The following ELMOD1 variants were observed in gnomAD, a reference collection of about 807,000 sequenced individuals.
ELMOD1 encodes ELMO domain-containing protein 1.
ELMOD1 carries 21 observed loss-of-function variants against 46.7 expected under a neutral mutation model. That is an observed-to-expected ratio of 0.45 (90% CI 0.32 to 0.65). ELMOD1 has a LOEUF of 0.65. ELMOD1 is among the 30% of genes least tolerant of loss of function. The pLI, the probability that ELMOD1 is intolerant of heterozygous loss-of-function variation, is 0.04. For missense variants in ELMOD1, 348 were observed against 407.8 expected, an observed-to-expected ratio of 0.85 and a Z score of 1.26; for synonymous variants, 122 against 138.2, an observed-to-expected ratio of 0.88 and a Z score of 0.82.
Position 107,613,302 on chromosome 11 carries a change from C to G in ELMOD1, c.-85-4803C>G, listed in dbSNP as rs188212439. 5.0e-3 allele frequency among the ~76,000 whole-genome samples: 755 copies of G among 152,226 alleles called. 3 individuals are homozygous for G. Among genetic ancestry groups the G allele is most frequent in the African/African-American group, 0.016 (663 of 41,528 alleles). ...CCTTACATGCTTTGGTTCTTTTAATCCTTAGAACAATCCTACAAGCTAATT... is the reference window on the plus strand; with the variant it reads ...CCTTACATGCTTTGGTTCTTTTAATGCTTAGAACAATCCTACAAGCTAATT... On this transcript the variant is annotated intron_variant, in intron 1 of 11. Coordinates refer to ENST00000265840, the MANE Select transcript of ELMOD1 (RefSeq NM_018712.4).
chr11:107,631,990 T>C (rs1866149890), intron 5 of ELMOD1, among the ~76,000 whole-genome samples: 1 of 152,212 alleles, frequency 6.6e-6, no homozygotes, highest in South Asian at 2.1e-4. Context: ...TGTTTTACGC[T>C]AACAGTAAAT....
chr11:107,662,610 CA>C (rs149950392), intron 11 of ELMOD1, among the ~76,000 whole-genome samples: 12 of 139,672 alleles, frequency 8.6e-5, no homozygotes, highest in Admixed American at 1.4e-4. Flanking sequence ...AACTCTGTCT[CA>C]AAAAAAAAAC....
chr11:107,617,231 G>T (rs1183942940), intron 1 of ELMOD1, among the ~76,000 whole-genome samples: 1 of 152,046 alleles, frequency 6.6e-6, no homozygotes, highest in Non-Finnish European at 1.5e-5. Flanking sequence ...GCTTTTATTC[G>T]AGCTAAGTAT....
rs1228587231 is a variant in ELMOD1 at position 107,666,566 on chromosome 11, AT to A, written c.*1373del. 1 of 152,644 alleles carries A rather than the reference AT, an allele frequency of 6.6e-6. No homozygotes were observed. Among genetic ancestry groups the A allele is most frequent in the Non-Finnish European group, 1.5e-5 (1 of 68,034 alleles). The allele number at this position is 152,644 out of a possible 1,614,324, so 9.5% of individuals were successfully genotyped here. A position where few individuals can be genotyped will look rare whatever the true frequency, so the allele number is the denominator to read the frequency against. ...AATTGTTCCAGAACTGCTAAAAATC[AT>A]TTTAAAAACCATGATTTAGTTTGGA... On this transcript the variant is annotated 3_prime_UTR_variant, in exon 12 of 12. Transcript: ENST00000265840.
intron 1 of ELMOD1, among the ~76,000 whole-genome samples, chr11:107,606,456 C>A (rs527647165): frequency 6.6e-6 from 1 of 152,268 alleles, no homozygotes; most frequent in Admixed American, 6.5e-5. Flanking sequence ...TTTCTGATTT[C>A]TTGAAAACCA....
At chr11:107,625,918 A>G (rs1310025670) in intron 2 of ELMOD1, among the ~76,000 whole-genome samples, 2 of 152,216 alleles carry the variant, frequency 1.3e-5, no homozygotes. Flanking sequence ...CATTCATCTT[A>G]GGAAGCTACA....
intron 6 of ELMOD1, among the ~76,000 whole-genome samples, chr11:107,645,089 A>ATTTTTTTTTTTTTTTTTT (rs11390120): frequency 1.9e-5 from 2 of 103,206 alleles, no homozygotes; most frequent in Non-Finnish European, 1.9e-5. Context: ...TGCCTGGCTA[A>ATTTTTTTTTTTTTTTTTT]TTTTTTTTTT....
intron 1 of ELMOD1, among the ~76,000 whole-genome samples, chr11:107,610,266 A>G (rs1402177908): frequency 2.0e-5 from 3 of 152,198 alleles, no homozygotes; most frequent in Admixed American, 2.0e-4. Flanking sequence ...TTTTATGTTC[A>G]TCTTGATTTT....
At position 107,615,285 on chromosome 11, in the gene ELMOD1, G is replaced by A. The variant is rs904211157; in HGVS notation, c.-85-2820G>A. On this transcript the variant is annotated intron_variant, in intron 1 of 11. Transcript: ENST00000265840. ...GTAGTCTCACTCTGTCACCAGGCTG[G>A]AGTGCAGTGGCGTGATCTCGGCTCA... Among the ~76,000 whole-genome samples the A allele has an allele frequency of 7.2e-5, 9 of 125,164 alleles. No homozygotes were observed. The South Asian group carries it at 1.9e-3, about 26-fold the overall frequency. 82.1% of individuals were successfully genotyped at this position (125,164 alleles called of 152,430 possible). A position where few individuals can be genotyped will look rare whatever the true frequency, so the allele number is the denominator to read the frequency against.
intron 1 of ELMOD1, chr11:107,592,588 C>G (rs1268611228): frequency 1.1e-5 from 3 of 272,940 alleles, no homozygotes; most frequent in Non-Finnish European, 2.4e-5. Context: ...CATTCCCTCC[C>G]CCAGAAGTTT....
chr11:107,623,699 C>T (rs1271846447), intron 2 of ELMOD1: 3 of 152,188 alleles, frequency 2.0e-5, no homozygotes, highest in East Asian at 1.9e-4. Context: ...AATTGTCACA[C>T]TGTTTTTCAA....
chr11:107,654,158 AT>A lies in ELMOD1; in HGVS notation c.648-12del. On this transcript the variant is annotated splice_polypyrimidine_tract_variant and intron_variant, in intron 9 of 11. Coordinates refer to ENST00000265840, the MANE Select transcript of ELMOD1 (RefSeq NM_018712.4). ...TTAAATCTGACTTACTTACTTATTC[AT>A]TCATCCATTCAGCAAATTCAGCAAA... 1 of 1,571,438 alleles carries A rather than the reference AT, an allele frequency of 6.4e-7. No individual in the cohort carries two copies. The highest frequency in any genetic ancestry group is 8.6e-7 in the Non-Finnish European group (1 of 1,156,894).
intron 11 of ELMOD1, among the ~76,000 whole-genome samples, chr11:107,659,638 G>A (rs12801067): frequency 6.8e-6 from 1 of 147,090 alleles, no homozygotes; most frequent in South Asian, 2.2e-4. Context: ...GTAACTAGAG[G>A]GGGGTTGGGT....
chr11:107,648,451 C>T (rs1406727617), intron 7 of ELMOD1, among the ~76,000 whole-genome samples: 1 of 152,204 alleles, frequency 6.6e-6, no homozygotes, highest in Admixed American at 6.5e-5. Flanking sequence ...CTTCAGTGTC[C>T]CTCCACTCTC....
chr11:107,622,550 G>A (rs1865968456), intron 2 of ELMOD1, among the ~76,000 whole-genome samples: 1 of 152,210 alleles, frequency 6.6e-6, no homozygotes, highest in African/African-American at 2.4e-5. Flanking sequence ...CACCTTATGT[G>A]TGAGAAAGAA....
chr11:107,641,317 GTATATA>G (rs35650343), intron 6 of ELMOD1, among the ~76,000 whole-genome samples: 1 of 149,570 alleles, frequency 6.7e-6, no homozygotes, highest in Non-Finnish European at 1.5e-5. Flanking sequence ...AAAAAAATAA[GTATATA>G]TATATATATA....
chr11:107,635,868 T>C, intron 6 of ELMOD1, 103 bp downstream of exon 6: 1 of 1,230,812 alleles, frequency 8.1e-7, no homozygotes, highest in Non-Finnish European at 1.1e-6. Context: ...GGTACAAAGA[T>C]GGATCAGACA....
chr11:107,627,910 G>C (rs982609483), intron 2 of ELMOD1, among the ~76,000 whole-genome samples: 2 of 152,088 alleles, frequency 1.3e-5, no homozygotes, highest in African/African-American at 4.8e-5. Context: ...GTGCAAGCCC[G>C]CAGATGGGGT....
At chr11:107,652,153 A>G (rs554097692) in intron 9 of ELMOD1, among the ~76,000 whole-genome samples, 4 of 152,364 alleles carry the variant, frequency 2.6e-5, no homozygotes, top group African/African-American at 9.6e-5. Context: ...TCAAAATGCT[A>G]CTGTCCTTCA....
Sources: gnomAD v4.1 joint callset for allele counts (sites outside exome capture counted in the v4.1 genomes callset) on GRCh38, gnomAD v4.1.1 for gene constraint, MANE v1.5 for transcripts, NCBI Gene and HGNC (gene_info 2026-07-23, HGNC 2026-07-21) for gene names.